AKAP13: variants seen among roughly 807,000 people sequenced by gnomAD.
AKAP13 encodes A-kinase anchor protein 13.
A neutral mutation model predicts 264.5 loss-of-function variants in AKAP13; 80 were observed. The ratio of observed to expected loss-of-function variants is 0.30; its 90% CI spans 0.25 to 0.36. The LOEUF (loss-of-function observed/expected upper bound fraction) is 0.36, where lower values mean the gene tolerates loss of function less well. Ranked by LOEUF, AKAP13 falls within the 10% of genes least tolerant of loss-of-function variation. AKAP13 has a pLI of 1.00. For missense variants in AKAP13, 3,712 were observed against 3,435.2 expected (o/e 1.08, Z -2.01); for synonymous variants, 1,380 against 1,250.2 (o/e 1.10, Z -2.19).
intron 33 of AKAP13, among the ~76,000 whole-genome samples, chr15:85,736,912 C>CTTTTTTTTTTT (rs11407996): frequency 1.0e-5 from 1 of 98,044 alleles, no homozygotes; most frequent in Non-Finnish European, 1.9e-5. Context: ...ATATCATCAT[C>CTTTTTTTTTTT]TTTTTTTTTT....
chr15:85,735,410 T>G (rs1319729009), intron 31 of AKAP13, 150 bp from the exon 32 acceptor site: 2 of 851,666 alleles, frequency 2.3e-6, no homozygotes, highest in Non-Finnish European at 1.8e-6. Context: ...TTATTAATAA[T>G]CACTTAGCTG....
chr15:85,577,682 G>A (rs192091859), intron 6 of AKAP13: 217 of 522,570 alleles, frequency 4.2e-4, no homozygotes, highest in African/African-American at 4.1e-3. Context: ...ATTACATATA[G>A]TATCCATAAT....
intron 8 of AKAP13, chr15:85,619,585 T>C: frequency 1.0e-6 from 1 of 985,536 alleles, no homozygotes. Flanking sequence ...CTAATGACTT[T>C]TTTCATGCCA....
rs201511713 is a variant in AKAP13, at chr15:85,655,764, C to A, written c.4722C>A (p.Ser1574Arg). 6.2e-7 allele frequency: 1 copy of A among 1,610,108 alleles called. No individual in the cohort carries two copies. Among genetic ancestry groups the A allele is most frequent in the Middle Eastern group, 1.7e-4 (1 of 5,996 alleles). Residue 1574 changes from serine (S) to arginine (R), a missense_variant, in exon 11 of 37, where the codon AGC (serine) becomes AGA (arginine). Physicochemically the swap from Ser to Arg is moderately radical, Grantham distance 110. Coordinates refer to ENST00000394518, the MANE Select transcript of AKAP13 (RefSeq NM_007200.5). ...GGGGGCCTGGGAAAAATGCAGCCAG[C>A]GATGCAGAAATGAACCACCGGAGGT... The part of the protein sequence containing the change: ...HSWGPGKNAA[S>R]DAEMNHRSSM...
chr15:85,713,079 G>A (rs2151704021), intron 19 of AKAP13, among the ~76,000 whole-genome samples: 1 of 152,304 alleles, frequency 6.6e-6, no homozygotes, highest in African/African-American at 2.4e-5. Context: ...AAAGTACTTA[G>A]CAGTAAACAT....
chr15:85,385,992 A>AT (rs1225123629), intron 1 of AKAP13, among the ~76,000 whole-genome samples: 2 of 150,794 alleles, frequency 1.3e-5, no homozygotes, highest in Non-Finnish European at 3.0e-5. Flanking sequence ...CACCCAGCTA[A>AT]TTTTTGTATT....
intron 12 of AKAP13, among the ~76,000 whole-genome samples, chr15:85,659,233 T>A (rs1385741500): frequency 2.0e-5 from 3 of 152,258 alleles, no homozygotes; most frequent in African/African-American, 7.2e-5. Flanking sequence ...GATTGCTAAT[T>A]TGCTTCAAAT....
Position 85,514,218 on chromosome 15 carries a change from C to T in AKAP13, c.34-7210C>T, listed in dbSNP as rs931252520. Among the ~76,000 whole-genome samples, 14 of 137,174 alleles carry T rather than the reference C, an allele frequency of 1.0e-4. 4 individuals are homozygous for T. Among genetic ancestry groups the T allele is most frequent in the African/African-American group, 1.5e-4 (5 of 33,812 alleles). The allele number at this position is 137,174 out of a possible 152,430, so 90.0% of individuals were successfully genotyped here. On this transcript the variant is annotated intron_variant, in intron 2 of 36. Coordinates refer to ENST00000394518, the MANE Select transcript of AKAP13 (RefSeq NM_007200.5). ...ATCTCCCCTCTTTAAGCAGTCAGCC[C>T]GTCATTCTGTGATACTCATAGGAAC... is the stretch of plus-strand genomic sequence containing the variant.
At chr15:85,399,513 AAAAAAAAAATAAAAAAAT>A (rs2071295786) in intron 1 of AKAP13, among the ~76,000 whole-genome samples, 2 of 69,960 alleles carry the variant, frequency 2.9e-5, no homozygotes, top group African/African-American at 1.1e-4. Context: ...AAAAAAAAAA[AAAAAAAAAATAAAAAAAT>A]AAAAAAATAA....
chr15:85,562,575 ATATATATATATAT>A (rs375573737), intron 5 of AKAP13, among the ~76,000 whole-genome samples: 1 of 101,614 alleles, frequency 9.8e-6, no homozygotes, highest in Non-Finnish European at 1.9e-5. Context: ...AAAAAAAAAA[ATATATATATATAT>A]ATATATATAT....
In AKAP13 at chr15:85,735,599, G is replaced by A. The variant is rs772848520; in HGVS notation, c.7481G>A (p.Arg2494Lys). The change falls in exon 32 of 37, where the codon AGG (arginine) becomes AAG (lysine). Residue 2494 changes from arginine (R) to lysine (K), a missense_variant. Coordinates refer to ENST00000394518, the MANE Select transcript of AKAP13 (RefSeq NM_007200.5). ...GAGGGAGATGATGGCCAAGATCTTA[G>A]GAGAACGGAATCAGATAGTGGCCTA... ...KEEGDDGQDL[R>K]RTESDSGLKK... 3 of 1,613,338 alleles carry A rather than the reference G, an allele frequency of 1.9e-6. No homozygotes were observed. The South Asian group carries it at 3.3e-5, about 18-fold the overall frequency.
intron 4 of AKAP13, chr15:85,534,172 A>G (rs2077320265): frequency 4.8e-6 from 2 of 415,002 alleles, no homozygotes; most frequent in Non-Finnish European, 8.5e-6. Context: ...AGAAAGTGAC[A>G]TGCTCTTCAT....
intron 8 of AKAP13, among the ~76,000 whole-genome samples, chr15:85,605,272 A>G (rs538318478): frequency 6.6e-6 from 1 of 152,258 alleles, no homozygotes. Context: ...TAGAACATTC[A>G]TATAAATTCC....
At chr15:85,656,310 G>A (rs1407987066) in intron 11 of AKAP13, among the ~76,000 whole-genome samples, 2 of 152,176 alleles carry the variant, frequency 1.3e-5, no homozygotes, top group African/African-American at 4.8e-5. Flanking sequence ...GAGGATATAA[G>A]ACTCATTACA....
chr15:85,744,603 T>C, intron 36 of AKAP13, 25 bp from the exon 37 acceptor site: 1 of 1,613,824 alleles, frequency 6.2e-7, no homozygotes, highest in East Asian at 2.2e-5. Flanking sequence ...TGAATTTTTT[T>C]CATTCTTGGT....
At chr15:85,633,525 CTTTTTTTTTCT>C (rs1567166422) in intron 8 of AKAP13, among the ~76,000 whole-genome samples, 2 of 122,220 alleles carry the variant, frequency 1.6e-5, no homozygotes, top group African/African-American at 3.1e-5. Flanking sequence ...CTCTGAATGA[CTTTTTTTTTCT>C]TTTTTTTTTT....
chr15:85,581,273 G>T lies in AKAP13; in HGVS notation c.3205G>T (p.Val1069Leu), dbSNP rs761709034. ...TCAGCCTTCTCCTCTGGATGTTGGA[G>T]TGAAGAACACTCAATCCCAGGGAAA... ...CSQPSPLDVG[V>L]KNTQSQGKTS... Residue 1069 changes from valine (V) to leucine (L), a missense_variant, in exon 7 of 37, where the codon GTG becomes TTG. Transcript: ENST00000394518. The T allele has an allele frequency of 1.2e-6, 2 of 1,614,120 alleles. No homozygotes were observed. The highest frequency in any genetic ancestry group is 1.7e-6 in the Non-Finnish European group (2 of 1,180,042).
intron 8 of AKAP13, among the ~76,000 whole-genome samples, chr15:85,629,700 C>G (rs1240112976): frequency 7.1e-6 from 1 of 141,042 alleles, no homozygotes; most frequent in Non-Finnish European, 1.5e-5. Flanking sequence ...GTAAAAAGGT[C>G]AAATCTATGG....
At chr15:85,684,572 T>C in intron 15 of AKAP13, 169 bp from the exon 16 acceptor site, 1 of 628,450 alleles carries the variant, frequency 1.6e-6, no homozygotes, top group Admixed American at 3.1e-5. Context: ...AAGAAAACAT[T>C]AGTGACGGAT....
Sources: allele counts gnomAD v4.1 joint callset (sites outside exome capture counted in the v4.1 genomes callset), GRCh38; gene constraint gnomAD v4.1.1; transcripts MANE v1.5; gene names NCBI Gene and HGNC (gene_info 2026-07-23, HGNC 2026-07-21).